The following BACH2 variants were observed in gnomAD, a reference collection of about 807,000 sequenced individuals.
The protein encoded by BACH2 is transcription regulator protein BACH2.
In BACH2, 5 loss-of-function variants were observed where a neutral mutation model predicts 61.8. That is an observed-to-expected ratio of 0.08 (90% CI 0.04 to 0.17). The LOEUF (loss-of-function observed/expected upper bound fraction) is 0.17, where lower values mean the gene tolerates loss of function less well. Among genes scored for constraint, BACH2 ranks in the 10% least tolerant of loss-of-function variants. The probability of loss-of-function intolerance (pLI) is 1.00; values close to 1 mark genes in which losing one functional copy is unlikely to be tolerated. For synonymous variants in BACH2, 446 were observed against 440.1 expected, an observed-to-expected ratio of 1.01 and a Z score of -0.17; for missense variants, 824 against 1,091.1, an observed-to-expected ratio of 0.76 and a Z score of 3.45.
intron 4 of BACH2, among the ~76,000 whole-genome samples, chr6:90,147,395 T>G (rs1784658287): frequency 6.6e-6 from 1 of 152,176 alleles, no homozygotes; most frequent in African/African-American, 2.4e-5. Flanking sequence ...GATCTGCTGT[T>G]CGCAGCTTGT....
At chr6:90,093,150 A>G (rs527713549) in intron 4 of BACH2, among the ~76,000 whole-genome samples, 1 of 152,338 alleles carries the variant, frequency 6.6e-6, no homozygotes, top group South Asian at 2.1e-4. Flanking sequence ...ATTAACTGGT[A>G]CAGGTATTTT....
At chr6:90,061,324 G>A (rs370937937) in intron 5 of BACH2, among the ~76,000 whole-genome samples, 1 of 152,168 alleles carries the variant, frequency 6.6e-6, no homozygotes, top group Admixed American at 6.6e-5. Context: ...TGGAAGGTGA[G>A]GTACAGGATC....
intron 5 of BACH2, among the ~76,000 whole-genome samples, chr6:90,072,782 A>T (rs1781297281): frequency 6.6e-6 from 1 of 152,138 alleles, no homozygotes; most frequent in South Asian, 2.1e-4. Flanking sequence ...AAGAACCCTA[A>T]ACATCCCACC....
intron 4 of BACH2, among the ~76,000 whole-genome samples, chr6:90,204,522 A>T (rs923417343): frequency 1.3e-5 from 2 of 152,160 alleles, no homozygotes; most frequent in Non-Finnish European, 1.5e-5. Flanking sequence ...TGAGCCACTC[A>T]GGCAGAACAT....
chr6:90,175,889 C>A (rs1423609663), intron 4 of BACH2, among the ~76,000 whole-genome samples: 2 of 152,006 alleles, frequency 1.3e-5, no homozygotes, highest in Non-Finnish European at 2.9e-5. Flanking sequence ...TTTACTATAC[C>A]ACAGCCAGGT....
intron 7 of BACH2, among the ~76,000 whole-genome samples, chr6:89,940,660 C>T (rs1176329826): frequency 6.6e-6 from 1 of 152,214 alleles, no homozygotes; most frequent in African/African-American, 2.4e-5. Flanking sequence ...AAACTTCCTT[C>T]AAGCACTAGC....
chr6:90,260,323 G>T (rs1771116484), intron 2 of BACH2, among the ~76,000 whole-genome samples: 1 of 151,970 alleles, frequency 6.6e-6, no homozygotes, highest in Non-Finnish European at 1.5e-5. Context: ...TTGTTCTGGG[G>T]CATGTTGTTT....
chr6:89,997,876 T>G (rs985623151), intron 6 of BACH2, among the ~76,000 whole-genome samples: 1 of 152,166 alleles, frequency 6.6e-6, no homozygotes, highest in African/African-American at 2.4e-5. Flanking sequence ...TGGTTGTTAA[T>G]GCCACCTCCA....
At chr6:90,041,304 T>TATAATA (rs1001481474) in intron 5 of BACH2, among the ~76,000 whole-genome samples, 4 of 150,952 alleles carry the variant, frequency 2.6e-5, no homozygotes, top group Non-Finnish European at 4.4e-5. Context: ...AAATAATATA[T>TATAATA]ATAATAATAA....
chr6:90,101,211 G>C (rs1322735326), intron 4 of BACH2, among the ~76,000 whole-genome samples: 1 of 152,004 alleles, frequency 6.6e-6, no homozygotes, highest in Non-Finnish European at 1.5e-5. Context: ...CTTTCTTAAT[G>C]GTTTCCTTTA....
intron 5 of BACH2, among the ~76,000 whole-genome samples, chr6:90,030,741 C>A (rs1778930346): frequency 6.6e-6 from 1 of 151,844 alleles, no homozygotes; most frequent in Admixed American, 6.6e-5. Flanking sequence ...AAGTCCAGGA[C>A]CAGATGGATT....
intron 1 of BACH2, among the ~76,000 whole-genome samples, chr6:90,286,381 T>C (rs1315597259): frequency 6.6e-6 from 1 of 152,224 alleles, no homozygotes; most frequent in Admixed American, 6.5e-5. Flanking sequence ...TTCATCTATG[T>C]TCTCTCGTTT....
intron 4 of BACH2, among the ~76,000 whole-genome samples, chr6:90,190,909 G>A (rs1029887899): frequency 1.2e-4 from 19 of 152,254 alleles, no homozygotes; most frequent in Admixed American, 2.0e-4. Flanking sequence ...ATAATTGCTC[G>A]GCAGAAACTA....
intron 4 of BACH2, among the ~76,000 whole-genome samples, chr6:90,153,426 A>C (rs1324314267): frequency 1.3e-5 from 2 of 152,214 alleles, no homozygotes; most frequent in Non-Finnish European, 2.9e-5. Context: ...TTATATTCTG[A>C]ATAAATAAGC....
chr6:90,285,794 C>T (rs2127889203), intron 1 of BACH2, among the ~76,000 whole-genome samples: 1 of 152,286 alleles, frequency 6.6e-6, no homozygotes, highest in East Asian at 1.9e-4. Flanking sequence ...GTGCGGCCAG[C>T]TGAGTGCTAC....
intron 5 of BACH2, among the ~76,000 whole-genome samples, chr6:90,011,742 G>A (rs530969022): frequency 2.0e-5 from 3 of 152,162 alleles, no homozygotes; most frequent in African/African-American, 7.2e-5. Flanking sequence ...CCAACACAGC[G>A]AAACTGCGTC....
chr6:90,183,159 T>C (rs34460816), intron 4 of BACH2, among the ~76,000 whole-genome samples: 11,546 of 152,230 alleles, frequency 0.076, 548 homozygotes, highest in South Asian at 0.15. Flanking sequence ...AGACCAACCT[T>C]TACCTCCTCA....
chr6:90,085,686 G>A (rs1364616371), intron 5 of BACH2, among the ~76,000 whole-genome samples: 1 of 152,100 alleles, frequency 6.6e-6, no homozygotes, highest in African/African-American at 2.4e-5. Flanking sequence ...CTGCCCAAAG[G>A]GTAACAGGAA....
chr6:90,020,421 G>C (rs772283224), intron 5 of BACH2, among the ~76,000 whole-genome samples: 5 of 152,082 alleles, frequency 3.3e-5, no homozygotes, highest in Non-Finnish European at 7.3e-5. Context: ...GTTATCATGA[G>C]AGTGGGTTTG....
Sources: allele counts gnomAD v4.1 joint callset (sites outside exome capture counted in the v4.1 genomes callset), GRCh38; gene constraint gnomAD v4.1.1; transcripts MANE v1.5; gene names NCBI Gene and HGNC (gene_info 2026-07-23, HGNC 2026-07-21).